The following KLHDC4 variants were observed in gnomAD, a reference collection of about 807,000 sequenced individuals.
The protein encoded by KLHDC4 is kelch domain-containing protein 4.
KLHDC4 carries 90 observed loss-of-function variants against 62.4 expected under a neutral mutation model. That is an observed-to-expected ratio of 1.44 (90% confidence interval 1.22 to 1.72). KLHDC4 has a LOEUF of 1.72. Among genes scored for constraint, KLHDC4 ranks in the 40% most tolerant of loss-of-function variants. The pLI is 0.00. For missense variants in KLHDC4, 1,025 were observed against 699.7 expected (o/e 1.47, Z -5.25); for synonymous variants, 386 against 284.4 (o/e 1.36, Z -3.59).
At chr16:87,711,885 CGGGG>C (rs1567662847) in intron 8 of KLHDC4, among the ~76,000 whole-genome samples, 93 of 134,240 alleles carry the variant, frequency 6.9e-4, no homozygotes, top group African/African-American at 3.4e-3. Flanking sequence ...CCACCCTGCA[CGGGG>C]AACCTTCACC....
rs758768786 is a variant in KLHDC4 at position 87,756,422 on chromosome 16, C to T, written c.247G>A (p.Gly83Ser). 8.7e-6 allele frequency: 14 copies of T among 1,613,486 alleles called. No homozygotes were observed. The highest frequency in any genetic ancestry group is 1.0e-5 in the Non-Finnish European group (12 of 1,179,510). ...PEKDELILFG[G>S]EYFNGQKTFL... ...ACTTTTTGGCCGTTGAAATATTCAC[C>T]TCCAAAAAGGATTAACTCATCTTTC... The change falls in exon 3 of 12, where the codon GGT becomes AGT. Residue 83 changes from glycine (G) to serine (S), a missense_variant. Transcript: ENST00000270583.
downstream of KLHDC4, among the ~76,000 whole-genome samples, chr16:87,704,864 A>G (rs2079609507): frequency 2.0e-5 from 3 of 152,140 alleles, no homozygotes; most frequent in Admixed American, 2.0e-4. Context: ...AACACGAAAA[A>G]AGCCACCGCT....
chr16:87,733,994 C>A (rs1161867653), intron 5 of KLHDC4, among the ~76,000 whole-genome samples: 1 of 152,226 alleles, frequency 6.6e-6, no homozygotes, highest in Non-Finnish European at 1.5e-5. Context: ...ACACAGCTGT[C>A]CCCAAAACCC....
chr16:87,709,594 C>T lies in KLHDC4; in HGVS notation c.1118G>A (p.Cys373Tyr). The change falls in exon 10 of 12, where the codon TGT (cysteine) becomes TAT (tyrosine). Residue 373 changes from cysteine to tyrosine, a missense_variant. Coordinates refer to ENST00000270583, the MANE Select transcript of KLHDC4 (RefSeq NM_017566.4). Reference sequence around the variant, plus strand: ...AGGCCCCTGGGTGCCAGCTCCCCCACACGCCGGCCTGCTACCACCTTCGGG... The same window carrying T: ...AGGCCCCTGGGTGCCAGCTCCCCCATACGCCGGCCTGCTACCACCTTCGGG... ...EEPEGGSRPACGGAGTQGPVQ... is the reference protein window; with the variant it reads ...EEPEGGSRPAYGGAGTQGPVQ... 6.2e-7 allele frequency: 1 copy of T among 1,612,730 alleles called. No individual in the cohort carries two copies. The highest frequency in any genetic ancestry group is 8.5e-7 in the Non-Finnish European group (1 of 1,179,742).
intron 4 of KLHDC4, among the ~76,000 whole-genome samples, chr16:87,753,486 C>T (rs1186947160): frequency 6.6e-6 from 1 of 152,136 alleles, no homozygotes; most frequent in Admixed American, 6.5e-5. Flanking sequence ...AAATGCAACA[C>T]TGTTTGATAG....
At chr16:87,738,674 C>T (rs1364560479) in intron 5 of KLHDC4, among the ~76,000 whole-genome samples, 2 of 130,612 alleles carry the variant, frequency 1.5e-5, no homozygotes, top group Non-Finnish European at 3.3e-5. Context: ...TCCATCCACA[C>T]ACCAGCACCT....
intron 7 of KLHDC4, among the ~76,000 whole-genome samples, chr16:87,718,875 C>T (rs1323702165): frequency 2.7e-5 from 4 of 150,862 alleles, no homozygotes; most frequent in African/African-American, 4.9e-5. Flanking sequence ...TGTCCGGCCG[C>T]GACCCCGTCT....
At chr16:87,720,370 T>C (rs562755155) in intron 7 of KLHDC4, among the ~76,000 whole-genome samples, 1 of 152,172 alleles carries the variant, frequency 6.6e-6, no homozygotes, top group South Asian at 2.1e-4. Context: ...TGGGGGCCGC[T>C]CCTTCCCACA....
At chr16:87,729,625 A>G (rs1005140836) in intron 6 of KLHDC4, among the ~76,000 whole-genome samples, 1 of 152,244 alleles carries the variant, frequency 6.6e-6, no homozygotes, top group African/African-American at 2.4e-5. Flanking sequence ...TAAAACAATG[A>G]GAGAGCCCGC....
At chr16:87,707,772 G>A (rs368963871), downstream of KLHDC4, 379 of 333,536 alleles carry the variant, frequency 1.1e-3, 4 homozygotes, top group South Asian at 7.1e-3. Context: ...GGAAGACTGC[G>A]GTGTGCCTAG....
At chr16:87,706,339 T>G (rs2034710599), downstream of KLHDC4, among the ~76,000 whole-genome samples, 1 of 105,628 alleles carries the variant, frequency 9.5e-6, no homozygotes, top group Admixed American at 1.3e-4. Flanking sequence ...GAGGGGGAAG[T>G]TGGCGCAATG....
chr16:87,743,790 C>T (rs767472075), intron 5 of KLHDC4, among the ~76,000 whole-genome samples: 1 of 152,010 alleles, frequency 6.6e-6, no homozygotes, highest in African/African-American at 2.4e-5. Flanking sequence ...CCTAACTTCC[C>T]AGGGTGTTTA....
intron 11 of KLHDC4, 119 bp from the exon 12 acceptor site, chr16:87,708,194 G>A (rs936901652): frequency 1.6e-6 from 1 of 618,488 alleles, no homozygotes; most frequent in Non-Finnish European, 2.9e-6. Context: ...GAGCCCACAG[G>A]CACACGGCAC....
At chr16:87,703,264 T>A (rs1023401424), downstream of KLHDC4, 12 of 152,022 alleles carry the variant, frequency 7.9e-5, no homozygotes, top group African/African-American at 2.9e-4. Flanking sequence ...GTGAGTTCCA[T>A]GGCGTCCCCG....
chr16:87,709,797 G>C, intron 9 of KLHDC4, 130 bp from the exon 10 acceptor site: 1 of 1,143,444 alleles, frequency 8.7e-7, no homozygotes, highest in Non-Finnish European at 1.2e-6. Context: ...GACCCAGGAA[G>C]GCGCCATCCC....
exon 1 of KLHDC4, chr16:87,700,971 A>G (rs1052810046): frequency 9.0e-6 from 2 of 222,224 alleles, no homozygotes; most frequent in Non-Finnish European, 9.2e-6. Context: ...CAGGTGAGGC[A>G]GTCGGTACGC....
At chr16:87,760,922 A>C (rs1391749485) in intron 2 of KLHDC4, among the ~76,000 whole-genome samples, 1 of 152,028 alleles carries the variant, frequency 6.6e-6, no homozygotes, top group African/African-American at 2.4e-5. Context: ...AATCCCAGCT[A>C]CTTGGAAGGC....
At chr16:87,752,479 G>C (rs2044164598) in intron 4 of KLHDC4, among the ~76,000 whole-genome samples, 1 of 151,956 alleles carries the variant, frequency 6.6e-6, no homozygotes, top group African/African-American at 2.4e-5. Flanking sequence ...TGGGATTACA[G>C]GCACGCGCCA....
chr16:87,720,734 T>C (rs1237772101), intron 7 of KLHDC4, among the ~76,000 whole-genome samples: 1 of 152,230 alleles, frequency 6.6e-6, no homozygotes, highest in Non-Finnish European at 1.5e-5. Context: ...ACGGTTAGCA[T>C]CACTTCCATC....
Sources: allele counts gnomAD v4.1 joint callset (sites outside exome capture counted in the v4.1 genomes callset), GRCh38; gene constraint gnomAD v4.1.1; transcripts MANE v1.5; gene names NCBI Gene and HGNC (gene_info 2026-07-23, HGNC 2026-07-21).